Variants in NTN3 observed in about 807,000 individuals in gnomAD.
NTN3 encodes netrin-3.
A neutral mutation model predicts 37.2 loss-of-function variants in NTN3; 44 were observed. That is an observed-to-expected ratio of 1.18 (90% confidence interval 0.93 to 1.52). NTN3 has a LOEUF of 1.52. Ranked by LOEUF, NTN3 falls within the 40% of genes most tolerant of loss-of-function variation. NTN3 has a pLI of 0.00. For synonymous variants in NTN3, 385 were observed against 376.0 expected (o/e 1.02, Z -0.28); for missense variants, 882 against 857.3 (o/e 1.03, Z -0.36).
At position 2,473,023 on chromosome 16, in the gene NTN3, T is replaced by A; in HGVS notation, c.1156T>A (p.Cys386Ser). ...CHPVGAAGKT[C>S]NQTTGQCPCK... ...CCCGGTTGGTGCTGCTGGCAAGACC[T>A]GCAACCAGACCACAGGCCAGTGTCC... The change falls in exon 3 of 6, where the codon TGC becomes AGC. Residue 386 changes from cysteine to serine, a missense_variant. By Grantham distance (112) the Cys-to-Ser change is moderately radical. Coordinates refer to ENST00000293973, the MANE Select transcript of NTN3 (RefSeq NM_006181.3). The A allele has an allele frequency of 6.2e-7, 1 of 1,610,226 alleles. No homozygotes were observed. Among genetic ancestry groups the A allele is most frequent in the Non-Finnish European group, 8.5e-7 (1 of 1,178,568 alleles).
rs967038745 is a variant in NTN3, at chr16:2,473,604, GC to G, written c.1393+105del. The G allele has an allele frequency of 7.3e-5, 98 of 1,350,490 alleles. No individual in the cohort carries two copies. In the African/African-American group the frequency reaches 1.2e-3, roughly 17 times the overall value. 83.7% of individuals were successfully genotyped at this position (1,350,490 alleles called of 1,614,324 possible). ...CTTGGAACGCCTTGACCCTTGCTGG[GC>G]CCCAAGGCCCATCCTCATCCCTCAG... On this transcript the variant is annotated intron_variant, in intron 5 of 5. Coordinates refer to ENST00000293973, the MANE Select transcript of NTN3 (RefSeq NM_006181.3).
Position 2,472,146 on chromosome 16 carries a change from T to G in NTN3, c.445T>G (p.Phe149Val), listed in dbSNP as rs959963905. 2 of 1,608,426 alleles carry G rather than the reference T, an allele frequency of 1.2e-6. No homozygotes were observed. The highest frequency in any genetic ancestry group is 1.7e-6 in the Non-Finnish European group (2 of 1,179,646). ...DHGRSWAPLG[F>V]FSSHCDLDYG... ...TGGCCGCAGCTGGGCCCCGCTGGGC[T>G]TCTTCTCCTCCCACTGTGACCTGGA... Residue 149 changes from phenylalanine to valine, a missense_variant, in exon 1 of 6, where the codon TTC (phenylalanine) becomes GTC (valine). Physicochemically the swap from Phe to Val is conservative, Grantham distance 50. Coordinates refer to ENST00000293973, the MANE Select transcript of NTN3 (RefSeq NM_006181.3).
intron 5 of NTN3, 126 bp from the exon 6 acceptor site, chr16:2,473,630 G>C (rs2065537041): frequency 8.0e-7 from 1 of 1,247,142 alleles, no homozygotes. Context: ...TCATCCCTCA[G>C]GTCCTCCACG....
Position 2,471,388 on chromosome 16 carries a change from A to C in NTN3, c.-314A>C. Reference sequence around the variant, plus strand: ...CCACGGCCCTTCCCGGGAGGCCGGGAGACCTGCTCCGCCCGGCCCTCGGTG... The same window carrying C: ...CCACGGCCCTTCCCGGGAGGCCGGGCGACCTGCTCCGCCCGGCCCTCGGTG... On this transcript the variant is annotated 5_prime_UTR_variant, in exon 1 of 6. Transcript: ENST00000293973. 2 of 223,156 alleles carry C rather than the reference A, an allele frequency of 9.0e-6. No homozygotes were observed. The highest frequency in any genetic ancestry group is 1.7e-5 in the Non-Finnish European group (2 of 114,448). 13.8% of individuals were successfully genotyped at this position (223,156 alleles called of 1,614,324 possible). A position where few individuals can be genotyped will look rare whatever the true frequency, so the allele number is the denominator to read the frequency against.
chr16:2,473,946 G>A lies in NTN3; in HGVS notation c.1584G>A (p.Leu528=). The change falls in exon 6 of 6, where the codon CTG becomes CTA. Residue 528 remains leucine (L), a synonymous_variant. Transcript: ENST00000293973. ...RLLPGRRYLL[L]GGGPGAAAGG... Reference sequence around the variant, plus strand: ...TCCCCGGCCGCCGCTACCTCCTGCTGGGGGGCGGGCCTGGAGCCGCGGCTG... The same window carrying A: ...TCCCCGGCCGCCGCTACCTCCTGCTAGGGGGCGGGCCTGGAGCCGCGGCTG... 1.7e-6 allele frequency: 2 copies of A among 1,174,878 alleles called. No homozygotes were observed. The allele number at this position is 1,174,878 out of a possible 1,614,324, so 72.8% of individuals were successfully genotyped here. A position where few individuals can be genotyped will look rare whatever the true frequency, so the allele number is the denominator to read the frequency against.
chr16:2,473,485 T>G lies in NTN3; in HGVS notation c.1375T>G (p.Phe459Val). 6.2e-7 allele frequency: 1 copy of G among 1,612,912 alleles called. No individual in the cohort carries two copies. Among genetic ancestry groups the G allele is most frequent in the South Asian group, 1.1e-5 (1 of 91,084 alleles). Residue 459 changes from phenylalanine (F) to valine (V), a missense_variant, in exon 5 of 6, where the codon TTC (phenylalanine) becomes GTC (valine). By Grantham distance (50) the Phe-to-Val change is conservative (BLOSUM62 -1). Coordinates refer to ENST00000293973, the MANE Select transcript of NTN3 (RefSeq NM_006181.3). The part of the protein sequence containing the change: ...RGSYRISLKK[F>V]CKKDYAVQVA... ...CAGCTACCGCATCAGCCTAAAGAAG[T>G]TCTGCAAGAAGGACTATGGTAGGTG...
At chr16:2,472,914 G>C in intron 2 of NTN3, 25 bp downstream of exon 2, 2 of 1,583,506 alleles carry the variant, frequency 1.3e-6, no homozygotes, top group Non-Finnish European at 1.7e-6. Flanking sequence ...GCCACCTGCA[G>C]GCCCTCACCC....
Position 2,474,082 on chromosome 16 carries a change from C to T in NTN3, c.1720C>T (p.Arg574Trp). ...GCGGAGGCTGCAGCGACGCGAACGG[C>T]GGGGGCGCTGCAGCGCCGCCTGAGC... ...RLRRLQRRER[R>W]GRCSAA The change falls in exon 6 of 6, where the codon CGG becomes TGG. Residue 574 changes from arginine (R) to tryptophan (W), a missense_variant. Transcript: ENST00000293973. 3.3e-6 allele frequency: 4 copies of T among 1,207,362 alleles called. No homozygotes were observed. The highest frequency in any genetic ancestry group is 4.1e-5 in the South Asian group (1 of 24,222). The allele number at this position is 1,207,362 out of a possible 1,614,324, so 74.8% of individuals were successfully genotyped here. A position where few individuals can be genotyped will look rare whatever the true frequency, so the allele number is the denominator to read the frequency against.
chr16:2,472,822 C>A lies in NTN3; in HGVS notation c.1050C>A (p.Cys350Ter). 1 of 1,609,950 alleles carries A rather than the reference C, an allele frequency of 6.2e-7. No individual in the cohort carries two copies. The highest frequency in any genetic ancestry group is 8.5e-7 in the Non-Finnish European group (1 of 1,179,550). ...GGCACAACACCGCCGGCCGCCACTG[C>A]CACTACTGCCGGGAGGGCTTCTATC... Reference protein sequence around the residue: ...NCRHNTAGRHCHYCREGFYRD... With the variant: ...NCRHNTAGRH The change falls in exon 2 of 6, where the codon TGC becomes TGA. Residue 350 changes from cysteine to a stop codon, truncating the protein, a stop_gained. Coordinates refer to ENST00000293973, the MANE Select transcript of NTN3 (RefSeq NM_006181.3). LOFTEE classifies it high-confidence loss of function.
chr16:2,472,574 C>A lies in NTN3; in HGVS notation c.873C>A (p.Phe291Leu), dbSNP rs761923194. 2.5e-6 allele frequency: 4 copies of A among 1,602,028 alleles called. No individual in the cohort carries two copies. Among genetic ancestry groups the A allele is most frequent in the Non-Finnish European group, 3.4e-6 (4 of 1,175,434 alleles). ...EGPDCGRCKP[F>L]YCDRPWQRAT... ...CTGACTGCGGCCGCTGCAAGCCCTT[C>A]TACTGCGACAGGCCATGGCAGCGGG... Residue 291 changes from phenylalanine to leucine, a missense_variant, in exon 1 of 6, where the codon TTC becomes TTA. Coordinates refer to ENST00000293973, the MANE Select transcript of NTN3 (RefSeq NM_006181.3).
At position 2,473,061 on chromosome 16, in the gene NTN3, C is replaced by T. The variant is rs149335787; in HGVS notation, c.1194C>T (p.Gly398=). The T allele has an allele frequency of 1.6e-5, 25 of 1,611,086 alleles. No individual in the cohort carries two copies. The highest frequency in any genetic ancestry group is 5.3e-5 in the African/African-American group (4 of 74,924). The change falls in exon 3 of 6, where the codon GGC becomes GGT. Residue 398 remains glycine (G), a synonymous_variant. Transcript: ENST00000293973. The part of the protein sequence containing the change: ...QTTGQCPCKD[G]VTGLTCNRCA... ...CAGGCCAGTGTCCCTGCAAGGATGG[C>T]GTCACTGGCCTCACCTGCAACCGCT...
At position 2,471,539 on chromosome 16, in the gene NTN3, G is replaced by GC; in HGVS notation, c.-162dup. 1 of 437,322 alleles carries GC rather than the reference G, an allele frequency of 2.3e-6. No individual in the cohort carries two copies. The highest frequency in any genetic ancestry group is 3.6e-5 in the East Asian group (1 of 27,436). 27.1% of individuals were successfully genotyped at this position (437,322 alleles called of 1,614,324 possible). A position where few individuals can be genotyped will look rare whatever the true frequency, so the allele number is the denominator to read the frequency against. Reference sequence around the variant, plus strand: ...TCCCCGCTGCTGTGCTGGGCCCGGGGCGTGCCCGCCGCTGCTCCCACCTCT... The same window carrying GC: ...TCCCCGCTGCTGTGCTGGGCCCGGGGCCGTGCCCGCCGCTGCTCCCACCTCT... On this transcript the variant is annotated 5_prime_UTR_variant, in exon 1 of 6. Coordinates refer to ENST00000293973, the MANE Select transcript of NTN3 (RefSeq NM_006181.3).
rs536952080 is a variant in NTN3, at chr16:2,472,142, G to A, written c.441G>A (p.Leu147=). The A allele has an allele frequency of 1.9e-6, 3 of 1,608,492 alleles. No individual in the cohort carries two copies. The African/African-American group carries it at 4.0e-5, about 21-fold the overall frequency. Residue 147 remains leucine, a synonymous_variant, in exon 1 of 6, where the codon CTG becomes CTA. Coordinates refer to ENST00000293973, the MANE Select transcript of NTN3 (RefSeq NM_006181.3). ...ACCATGGCCGCAGCTGGGCCCCGCT[G>A]GGCTTCTTCTCCTCCCACTGTGACC... is the stretch of plus-strand genomic sequence containing the variant. The part of the protein sequence containing the change: ...SQDHGRSWAP[L]GFFSSHCDLD...
In NTN3 at chr16:2,473,050, T is replaced by G. The variant is rs2141845413; in HGVS notation, c.1183T>G (p.Cys395Gly). 1.2e-6 allele frequency: 2 copies of G among 1,611,540 alleles called. No homozygotes were observed. ...TCNQTTGQCP[C>G]KDGVTGLTCN... The stretch of plus-strand genomic sequence containing the variant: ...CAACCAGACCACAGGCCAGTGTCCC[T>G]GCAAGGATGGCGTCACTGGCCTCAC... The change falls in exon 3 of 6, where the codon TGC (cysteine) becomes GGC (glycine). Residue 395 changes from cysteine to glycine, a missense_variant. Cys to Gly is a radical substitution (Grantham distance 159). Transcript: ENST00000293973.
chr16:2,472,698 C>A lies in NTN3; in HGVS notation c.929-3C>A. ...CCTGCCCCTGACCCATCCCTCCCTG[C>A]AGCTTGCTCCTGCAACGGCCATGCC... On this transcript the variant is annotated splice_polypyrimidine_tract_variant and splice_region_variant and intron_variant, in intron 1 of 5. Coordinates refer to ENST00000293973, the MANE Select transcript of NTN3 (RefSeq NM_006181.3). 1 of 1,609,034 alleles carries A rather than the reference C, an allele frequency of 6.2e-7. No homozygotes were observed. Among genetic ancestry groups the A allele is most frequent in the Non-Finnish European group, 8.5e-7 (1 of 1,179,204 alleles).
chr16:2,473,701 C>T, intron 5 of NTN3, 55 bp from the exon 6 acceptor site: 2 of 1,402,948 alleles, frequency 1.4e-6, no homozygotes, highest in Admixed American at 2.9e-5. Flanking sequence ...GTGCCTCCCC[C>T]TACCGCGGGC....
At chr16:2,473,707 C>T (rs1266860054) in intron 5 of NTN3, 49 bp from the exon 6 acceptor site, 3 of 1,407,462 alleles carry the variant, frequency 2.1e-6, no homozygotes, top group Non-Finnish European at 2.8e-6. Context: ...CCCCCTACCG[C>T]GGGCAGGCCG....
At chr16:2,473,627 T>G in intron 5 of NTN3, 124 bp downstream of exon 5, 1 of 1,260,100 alleles carries the variant, frequency 7.9e-7, no homozygotes, top group African/African-American at 1.5e-5. Context: ...TCCTCATCCC[T>G]CAGGTCCTCC....
At chr16:2,473,591 T>C in intron 5 of NTN3, 88 bp downstream of exon 5, 1 of 1,418,822 alleles carries the variant, frequency 7.0e-7, no homozygotes, top group Non-Finnish European at 9.8e-7. Flanking sequence ...TGGAACGCCT[T>C]GACCCTTGCT....
Sources: gnomAD v4.1 joint callset for allele counts on GRCh38, gnomAD v4.1.1 for gene constraint, MANE v1.5 for transcripts, NCBI Gene and HGNC (gene_info 2026-07-23, HGNC 2026-07-21) for gene names.